Variants in BAIAP2 observed in about 807,000 individuals in gnomAD.
The protein encoded by BAIAP2 is BAR/IMD domain-containing adapter protein 2.
BAIAP2 carries 18 observed loss-of-function variants against 63.0 expected under a neutral mutation model. The ratio of observed to expected loss-of-function variants is 0.29; its 90% CI spans 0.20 to 0.42. The LOEUF is 0.42. Among genes scored for constraint, BAIAP2 ranks in the 10% least tolerant of loss-of-function variants. The pLI, the probability that BAIAP2 is intolerant of heterozygous loss-of-function variation, is 1.00. For synonymous variants in BAIAP2, 386 were observed against 307.6 expected, an observed-to-expected ratio of 1.25 and a Z score of -2.67; for missense variants, 610 against 734.3, an observed-to-expected ratio of 0.83 and a Z score of 1.96.
chr17:81,061,271 T>C (rs1323995787), intron 3 of BAIAP2, among the ~76,000 whole-genome samples: 1 of 152,242 alleles, frequency 6.6e-6, no homozygotes, highest in African/African-American at 2.4e-5. Context: ...ATAAATTCTT[T>C]TCATGGCTAA....
At chr17:81,099,898 G>A in intron 6 of BAIAP2, 30 bp from the exon 7 acceptor site, 1 of 1,605,484 alleles carries the variant, frequency 6.2e-7, no homozygotes, top group Non-Finnish European at 8.5e-7. Flanking sequence ...TTCCATCGCT[G>A]GCTGAGCCTT....
intron 1 of BAIAP2, among the ~76,000 whole-genome samples, chr17:81,048,482 T>A (rs1042867438): frequency 1.3e-5 from 2 of 151,024 alleles, no homozygotes; most frequent in Non-Finnish European, 3.0e-5. Flanking sequence ...TACTGGCCAC[T>A]CTCCCTTTGT....
At chr17:81,074,696 A>G (rs140714528) in intron 3 of BAIAP2, among the ~76,000 whole-genome samples, 3 of 140,064 alleles carry the variant, frequency 2.1e-5, no homozygotes, top group Non-Finnish European at 4.6e-5. Flanking sequence ...GTGTGTGTGC[A>G]TGCACGGATG....
At chr17:81,067,045 G>T (rs2051605199) in intron 3 of BAIAP2, among the ~76,000 whole-genome samples, 1 of 152,214 alleles carries the variant, frequency 6.6e-6, no homozygotes, top group South Asian at 2.1e-4. Flanking sequence ...GTTGGTCCCG[G>T]ACCTCCAGCA....
At chr17:81,039,668 G>A (rs2046817430) in intron 1 of BAIAP2, among the ~76,000 whole-genome samples, 1 of 151,932 alleles carries the variant, frequency 6.6e-6, no homozygotes, top group Non-Finnish European at 1.5e-5. Context: ...CCGTTAGATG[G>A]GAGGGCAGTG....
intron 10 of BAIAP2, chr17:81,105,713 G>C (rs1406862153): frequency 4.4e-6 from 1 of 226,418 alleles, no homozygotes; most frequent in African/African-American, 2.3e-5. Flanking sequence ...GGTCTCCCAG[G>C]AGGCTGCTCC....
At chr17:81,043,835 G>A (rs74002007) in intron 1 of BAIAP2, among the ~76,000 whole-genome samples, 2,841 of 152,360 alleles carry the variant, frequency 0.019, 86 homozygotes, top group African/African-American at 0.065. Context: ...CCAGCCGCGC[G>A]TCTGTCCTTC....
chr17:81,080,966 C>T lies in BAIAP2; in HGVS notation c.218-3866C>T, dbSNP rs191127206. ...TGGCCCCCACGCCAGGATAGGGGGC[C>T]GGCGACCTCGCAAAGGCTGGGTGCG... On this transcript the variant is annotated intron_variant, in intron 3 of 13. Coordinates refer to ENST00000428708, the MANE Select transcript of BAIAP2 (RefSeq NM_001144888.2). 2.3e-3 allele frequency among the ~76,000 whole-genome samples: 349 copies of T among 152,328 alleles called. 3 individuals are homozygous for T. The highest frequency in any genetic ancestry group is 0.01 in the Middle Eastern group (3 of 294).
chr17:81,072,077 C>CGT, intron 3 of BAIAP2, among the ~76,000 whole-genome samples: 1 of 152,358 alleles, frequency 6.6e-6, no homozygotes, highest in East Asian at 1.9e-4. Flanking sequence ...CGAGCGCCCA[C>CGT]GTAGGGCTGG....
intron 13 of BAIAP2, 185 bp downstream of exon 13, chr17:81,108,694 C>T: frequency 1.2e-6 from 1 of 861,360 alleles, no homozygotes; most frequent in Non-Finnish European, 1.8e-6. Context: ...ACACGGGAAC[C>T]CCCCTGGGCC....
intron 1 of BAIAP2, among the ~76,000 whole-genome samples, chr17:81,042,348 G>A (rs992405153): frequency 6.6e-6 from 1 of 151,324 alleles, no homozygotes; most frequent in African/African-American, 2.4e-5. Context: ...TAGAGATGAG[G>A]TCTTGCTATG....
chr17:81,057,844 G>T (rs200725820), intron 2 of BAIAP2, 37 bp from the exon 3 acceptor site: 17 of 1,597,786 alleles, frequency 1.1e-5, no homozygotes, highest in Non-Finnish European at 1.5e-5. Flanking sequence ...TCTGTCCCTC[G>T]TGGAGGAAAT....
intron 6 of BAIAP2, among the ~76,000 whole-genome samples, chr17:81,092,712 C>A (rs991553973): frequency 1.3e-5 from 2 of 152,192 alleles, no homozygotes; most frequent in Non-Finnish European, 2.9e-5. Context: ...CGGCCTTGGG[C>A]AGCGGCACCT....
chr17:81,042,202 T>G (rs1008405014), intron 1 of BAIAP2, among the ~76,000 whole-genome samples: 1 of 150,370 alleles, frequency 6.7e-6, no homozygotes, highest in Admixed American at 6.7e-5. Flanking sequence ...AAGGCAATGG[T>G]GTGATCTCAC....
intron 6 of BAIAP2, among the ~76,000 whole-genome samples, chr17:81,089,538 C>G (rs1202755081): frequency 6.6e-6 from 1 of 151,762 alleles, no homozygotes; most frequent in East Asian, 2.0e-4. Context: ...TCGTGGTAAG[C>G]CAGGTGACCC....
intron 6 of BAIAP2, among the ~76,000 whole-genome samples, chr17:81,089,147 GT>G (rs1217819554): frequency 1.3e-5 from 2 of 152,266 alleles, no homozygotes; most frequent in African/African-American, 4.8e-5. Context: ...CCACACAGGG[GT>G]TTTGGAAGAC....
intron 1 of BAIAP2, among the ~76,000 whole-genome samples, chr17:81,041,341 T>A (rs2047045279): frequency 1.3e-5 from 2 of 152,140 alleles, no homozygotes; most frequent in African/African-American, 4.8e-5. Flanking sequence ...CTTGGTATCC[T>A]CAGTGCTCTA....
At chr17:81,050,123 AG>A (rs1187026729) in intron 1 of BAIAP2, among the ~76,000 whole-genome samples, 4 of 152,192 alleles carry the variant, frequency 2.6e-5, no homozygotes, top group African/African-American at 9.6e-5. Context: ...TGCCTGAGGC[AG>A]GGCTCCACAG....
chr17:81,079,442 A>G (rs1214792307), intron 3 of BAIAP2, among the ~76,000 whole-genome samples: 1 of 151,876 alleles, frequency 6.6e-6, no homozygotes, highest in Non-Finnish European at 1.5e-5. Flanking sequence ...GAAAAGAGAG[A>G]GGCCTCGTTT....
Sources: gnomAD v4.1 joint callset for allele counts (sites outside exome capture counted in the v4.1 genomes callset) on GRCh38, gnomAD v4.1.1 for gene constraint, MANE v1.5 for transcripts, NCBI Gene and HGNC (gene_info 2026-07-23, HGNC 2026-07-21) for gene names.